The following PSEN2 variants were observed in gnomAD, a reference collection of about 807,000 sequenced individuals.
PSEN2 encodes presenilin-2.
In PSEN2, 32 loss-of-function variants were observed where a neutral mutation model predicts 49.1. The ratio of observed to expected loss-of-function variants is 0.65; its 90% CI spans 0.49 to 0.88. PSEN2 has a LOEUF of 0.88. PSEN2 is among the 40% of genes least tolerant of loss of function. PSEN2 has a pLI of 0.00. For missense variants in PSEN2, 522 were observed against 586.9 expected (o/e 0.89, Z 1.14); for synonymous variants, 255 against 244.0 (o/e 1.05, Z -0.42).
At chr1:226,896,730 A>G (rs1662163453), downstream of PSEN2, among the ~76,000 whole-genome samples, 1 of 152,072 alleles carries the variant, frequency 6.6e-6, no homozygotes, top group African/African-American at 2.4e-5. Context: ...GCATGGTGGC[A>G]TGCATCTGTA....
At chr1:226,890,325 C>T (rs989868821) in intron 9 of PSEN2, among the ~76,000 whole-genome samples, 192 bp downstream of exon 9, 5 of 152,208 alleles carry the variant, frequency 3.3e-5, no homozygotes, top group African/African-American at 1.2e-4. Context: ...GGACAGGAAG[C>T]AGGCATCTGC....
chr1:226,891,461 C>G, intron 10 of PSEN2, 100 bp downstream of exon 10: 1 of 1,066,258 alleles, frequency 9.4e-7, no homozygotes, highest in Non-Finnish European at 1.4e-6. Flanking sequence ...GGCATGAGTT[C>G]AGGAGGGGCA....
At chr1:226,889,787 G>C (rs750058258) in intron 8 of PSEN2, among the ~76,000 whole-genome samples, 1 of 152,184 alleles carries the variant, frequency 6.6e-6, no homozygotes, top group South Asian at 2.1e-4. Flanking sequence ...AGAGAAGTGG[G>C]ACTCCCCAGC....
intron 9 of PSEN2, 30 bp from the exon 10 acceptor site, chr1:226,891,248 C>T: frequency 1.2e-6 from 2 of 1,607,714 alleles, no homozygotes; most frequent in Non-Finnish European, 1.7e-6. Flanking sequence ...TTAGCACCGC[C>T]TGAGATGTGA....
In PSEN2 at chr1:226,895,901, G is replaced by A. The variant is rs1435599878; in HGVS notation, c.*322G>A. 2 of 431,306 alleles carry A rather than the reference G, an allele frequency of 4.6e-6. No homozygotes were observed. Among genetic ancestry groups the A allele is most frequent in the African/African-American group, 4.0e-5 (2 of 49,838 alleles). The allele number at this position is 431,306 out of a possible 1,614,324, so 26.7% of individuals were successfully genotyped here. The stretch of plus-strand genomic sequence containing the variant: ...CTGAGATGCGCAAAGAGTGTGCTCG[G>A]GAGTGGCCCCTGGCACCTGGGTGCT... On this transcript the variant is annotated 3_prime_UTR_variant, in exon 13 of 13. Coordinates refer to ENST00000366783, the MANE Select transcript of PSEN2 (RefSeq NM_000447.3).
At chr1:226,881,618 T>A (rs1489149276) in intron 3 of PSEN2, among the ~76,000 whole-genome samples, 1 of 152,258 alleles carries the variant, frequency 6.6e-6, no homozygotes, top group Non-Finnish European at 1.5e-5. Context: ...ACTGACAGTT[T>A]GGAGCTGCCC....
At chr1:226,897,162 A>G (rs1172894746), downstream of PSEN2, among the ~76,000 whole-genome samples, 2 of 152,220 alleles carry the variant, frequency 1.3e-5, no homozygotes, top group Non-Finnish European at 2.9e-5. Flanking sequence ...GCAGACAGGG[A>G]TGGTCCCTGA....
intron 9 of PSEN2, chr1:226,890,542 T>G: frequency 3.3e-6 from 1 of 304,434 alleles, no homozygotes; most frequent in Non-Finnish European, 6.4e-6. Flanking sequence ...TTGGCATTAA[T>G]CCTAACTGAA....
At position 226,894,009 on chromosome 1, in the gene PSEN2, G is replaced by GA; in HGVS notation, c.1075_1076insA (p.Gly359GlufsTer116). ...GGTTACTGTCTCTCCTCACACAGGG[G>GA]GCGTGAAGCTTGGCCTCGGGGACTT... On this transcript the variant is annotated frameshift_variant, in exon 12 of 13. Coordinates refer to ENST00000366783, the MANE Select transcript of PSEN2 (RefSeq NM_000447.3). LOFTEE classifies it high-confidence loss of function. The GA allele has an allele frequency of 6.2e-7, 1 of 1,612,348 alleles. No homozygotes were observed. Among genetic ancestry groups the GA allele is most frequent in the Non-Finnish European group, 8.5e-7 (1 of 1,178,326 alleles).
At chr1:226,897,507 A>C (rs1005958368), downstream of PSEN2, 2 of 155,058 alleles carry the variant, frequency 1.3e-5, no homozygotes, top group African/African-American at 2.4e-5. Flanking sequence ...AGAGCATTGG[A>C]GAGAACAAAG....
chr1:226,882,742 C>T (rs868042352), intron 4 of PSEN2, among the ~76,000 whole-genome samples: 1 of 152,182 alleles, frequency 6.6e-6, no homozygotes, highest in African/African-American at 2.4e-5. Context: ...TCCTTGAGAA[C>T]GGAACCATCG....
chr1:226,895,740 GC>G lies in PSEN2; in HGVS notation c.*163del. 1.1e-6 allele frequency: 1 copy of G among 886,404 alleles called. No homozygotes were observed. The highest frequency in any genetic ancestry group is 1.7e-6 in the Non-Finnish European group (1 of 588,884). 54.9% of individuals were successfully genotyped at this position (886,404 alleles called of 1,614,324 possible). A position where few individuals can be genotyped will look rare whatever the true frequency, so the allele number is the denominator to read the frequency against. ...GAGGAGGCAGAACCAGCTCTTTGGTGCCAGCTGTTTCATCACCAGACTTTGG... is the reference window on the plus strand; with the variant it reads ...GAGGAGGCAGAACCAGCTCTTTGGTGCAGCTGTTTCATCACCAGACTTTGG... On this transcript the variant is annotated 3_prime_UTR_variant, in exon 13 of 13. Coordinates refer to ENST00000366783, the MANE Select transcript of PSEN2 (RefSeq NM_000447.3).
At chr1:226,889,889 G>T in intron 8 of PSEN2, 146 bp from the exon 9 acceptor site, 1 of 725,682 alleles carries the variant, frequency 1.4e-6, no homozygotes, top group Non-Finnish European at 2.5e-6. Context: ...GCTCTAAGTT[G>T]TGACTGGAGA....
At chr1:226,872,792 C>T (rs554410207) in intron 2 of PSEN2, among the ~76,000 whole-genome samples, 3 of 152,220 alleles carry the variant, frequency 2.0e-5, no homozygotes, top group South Asian at 2.1e-4. Context: ...TGCGGAAAGG[C>T]GGGGGTGAGG....
intron 2 of PSEN2, 79 bp from the exon 3 acceptor site, chr1:226,875,286 G>C (rs541667242): frequency 1.3e-5 from 2 of 152,586 alleles, no homozygotes; most frequent in African/African-American, 2.4e-5. Context: ...CCAGGGCCAG[G>C]GGGAGGAAGG....
At chr1:226,879,846 T>C (rs918257354) in intron 3 of PSEN2, among the ~76,000 whole-genome samples, 1 of 152,242 alleles carries the variant, frequency 6.6e-6, no homozygotes, top group Non-Finnish European at 1.5e-5. Flanking sequence ...TCATCTATCC[T>C]AAACAGAAGG....
At chr1:226,874,537 G>A (rs1660508085) in intron 2 of PSEN2, among the ~76,000 whole-genome samples, 1 of 152,150 alleles carries the variant, frequency 6.6e-6, no homozygotes, top group Non-Finnish European at 1.5e-5. Context: ...CTTGATCTCT[G>A]GGGCCTGGCC....
At chr1:226,888,247 A>G in intron 7 of PSEN2, 89 bp downstream of exon 7, 1 of 1,224,270 alleles carries the variant, frequency 8.2e-7, no homozygotes. Context: ...GCGGGGAAAG[A>G]TGACCATCGA....
At position 226,890,042 on chromosome 1, in the gene PSEN2, G is replaced by A. The variant is rs1327816458; in HGVS notation, c.795G>A (p.Val265=). The part of the protein sequence containing the change: ...ILGAISVYDL[V]AVLCPKGPLR... ...ATGTCTCTGTCTTCCTAGATCTCGT[G>A]GCTGTGCTGTGTCCCAAAGGGCCTC... is the stretch of plus-strand genomic sequence containing the variant. The change falls in exon 9 of 13, where the codon GTG becomes GTA. Residue 265 remains valine (V), a synonymous_variant. Coordinates refer to ENST00000366783, the MANE Select transcript of PSEN2 (RefSeq NM_000447.3). The A allele has an allele frequency of 6.2e-7, 1 of 1,613,330 alleles. No homozygotes were observed. The highest frequency in any genetic ancestry group is 8.5e-7 in the Non-Finnish European group (1 of 1,179,200).
Sources: gnomAD v4.1 joint callset for allele counts (sites outside exome capture counted in the v4.1 genomes callset) on GRCh38, gnomAD v4.1.1 for gene constraint, MANE v1.5 for transcripts, NCBI Gene and HGNC (gene_info 2026-07-23, HGNC 2026-07-21) for gene names.